Variants in EPHA5 observed in about 807,000 individuals in gnomAD.
EPHA5 encodes ephrin type-A receptor 5.
A neutral mutation model predicts 105.0 loss-of-function variants in EPHA5; 60 were observed. That is an observed-to-expected ratio of 0.57 (90% CI 0.46 to 0.71). The LOEUF (loss-of-function observed/expected upper bound fraction) is 0.71. Among genes scored for constraint, EPHA5 ranks in the 30% least tolerant of loss-of-function variants. The probability of loss-of-function intolerance (pLI) is 0.00; values close to 1 mark genes in which losing one functional copy is unlikely to be tolerated. For missense variants in EPHA5, 1,218 were observed against 1,274.7 expected, an observed-to-expected ratio of 0.96 and a Z score of 0.68; for synonymous variants, 513 against 449.1, an observed-to-expected ratio of 1.14 and a Z score of -1.80.
At chr4:65,660,881 C>A (rs986898242) in intron 1 of EPHA5, among the ~76,000 whole-genome samples, 1 of 152,042 alleles carries the variant, frequency 6.6e-6, no homozygotes, top group Non-Finnish European at 1.5e-5. Flanking sequence ...TTTTTCTACT[C>A]CGTTTCTTAA....
chr4:65,370,156 A>G (rs1718316809), intron 8 of EPHA5, among the ~76,000 whole-genome samples: 1 of 152,150 alleles, frequency 6.6e-6, no homozygotes, highest in South Asian at 2.1e-4. Context: ...ACTTAGATAC[A>G]TATGTCATTC....
At chr4:65,557,844 T>G (rs1738610313) in intron 3 of EPHA5, among the ~76,000 whole-genome samples, 1 of 151,986 alleles carries the variant, frequency 6.6e-6, no homozygotes. Flanking sequence ...CATTAATGAT[T>G]GGTCACTGAA....
At chr4:65,367,296 C>T in intron 9 of EPHA5, 61 bp downstream of exon 9, 3 of 1,386,820 alleles carry the variant, frequency 2.2e-6, no homozygotes, top group Non-Finnish European at 3.0e-6. Flanking sequence ...TGAAAAGAAA[C>T]TTAAATAACA....
intron 1 of EPHA5, among the ~76,000 whole-genome samples, chr4:65,648,439 C>G (rs933795075): frequency 6.6e-6 from 1 of 152,154 alleles, no homozygotes; most frequent in Non-Finnish European, 1.5e-5. Flanking sequence ...TGTGATCCCA[C>G]CATATACCAT....
At chr4:65,574,660 A>G (rs1446726960) in intron 3 of EPHA5, among the ~76,000 whole-genome samples, 3 of 48,568 alleles carry the variant, frequency 6.2e-5, no homozygotes, top group Non-Finnish European at 4.1e-5. Context: ...ATACACATAT[A>G]TATATACACA....
At chr4:65,404,276 C>T (rs1212525237) in intron 8 of EPHA5, 98 bp downstream of exon 8, 3 of 845,838 alleles carry the variant, frequency 3.5e-6, no homozygotes, top group Non-Finnish European at 3.9e-6. Flanking sequence ...ATATTGCTTG[C>T]CTGATTTGTT....
chr4:65,468,567 TATATATATATATGTAAA>T (rs2149153251), intron 5 of EPHA5, among the ~76,000 whole-genome samples: 1 of 19,728 alleles, frequency 5.1e-5, no homozygotes, highest in Admixed American at 5.5e-4. Context: ...TATTATATAT[TATATATATATATGTAAA>T]ATATATATAA....
chr4:65,399,005 G>A (rs1157549265), intron 8 of EPHA5, among the ~76,000 whole-genome samples: 7 of 152,132 alleles, frequency 4.6e-5, no homozygotes, highest in South Asian at 2.1e-4. Context: ...GCTAAAACAC[G>A]CCTCTCAACT....
At chr4:65,480,902 G>A (rs533090585) in intron 5 of EPHA5, among the ~76,000 whole-genome samples, 2 of 151,952 alleles carry the variant, frequency 1.3e-5, no homozygotes, top group Admixed American at 6.6e-5. Flanking sequence ...CCCAGGAGAG[G>A]AGTGTTGTAG....
chr4:65,363,773 G>C (rs189513014), intron 11 of EPHA5, among the ~76,000 whole-genome samples: 1 of 151,232 alleles, frequency 6.6e-6, no homozygotes, highest in Non-Finnish European at 1.5e-5. Flanking sequence ...GGTATCTATC[G>C]ACACTTGCTA....
chr4:65,572,067 G>C (rs570290797), intron 3 of EPHA5, among the ~76,000 whole-genome samples: 387 of 151,846 alleles, frequency 2.5e-3, no homozygotes, highest in African/African-American at 9.0e-3. Context: ...AATATGAAGG[G>C]GTTAAGATAT....
intron 5 of EPHA5, among the ~76,000 whole-genome samples, chr4:65,444,268 C>T (rs1171136041): frequency 9.9e-5 from 15 of 152,108 alleles, no homozygotes; most frequent in African/African-American, 3.4e-4. Context: ...AAGATAATAT[C>T]TATCCTTAAG....
At chr4:65,434,047 T>TC (rs1469788232) in intron 5 of EPHA5, among the ~76,000 whole-genome samples, 1 of 151,300 alleles carries the variant, frequency 6.6e-6, no homozygotes, top group Non-Finnish European at 1.5e-5. Flanking sequence ...AAGGTGAGAC[T>TC]CCATCTCAAA....
chr4:65,398,937 CATGAG>C (rs1291500001), intron 8 of EPHA5, among the ~76,000 whole-genome samples: 1 of 152,156 alleles, frequency 6.6e-6, no homozygotes, highest in African/African-American at 2.4e-5. Context: ...TCTTCCTGAG[CATGAG>C]ATAAGAACTT....
At chr4:65,388,734 G>T (rs879787012) in intron 8 of EPHA5, among the ~76,000 whole-genome samples, 1 of 148,218 alleles carries the variant, frequency 6.7e-6, no homozygotes, top group African/African-American at 2.5e-5. Context: ...AGATGAGTAG[G>T]TTGCGAAAAT....
intron 2 of EPHA5, among the ~76,000 whole-genome samples, chr4:65,613,745 T>C (rs1399847820): frequency 1.3e-5 from 2 of 152,046 alleles, no homozygotes; most frequent in East Asian, 1.9e-4. Context: ...TACTTTTGAA[T>C]AAATGTATAC....
intron 3 of EPHA5, among the ~76,000 whole-genome samples, chr4:65,561,466 G>T (rs1739012071): frequency 6.6e-6 from 1 of 152,088 alleles, no homozygotes; most frequent in Non-Finnish European, 1.5e-5. Context: ...GCAGGGAGTA[G>T]ACTGAGTGCA....
intron 3 of EPHA5, among the ~76,000 whole-genome samples, chr4:65,572,654 A>G (rs768275999): frequency 6.6e-6 from 1 of 152,226 alleles, no homozygotes; most frequent in Admixed American, 6.5e-5. Context: ...TGTACGGAAT[A>G]TGACAAGTAT....
intron 3 of EPHA5, among the ~76,000 whole-genome samples, chr4:65,570,876 A>G (rs991968439): frequency 3.1e-4 from 47 of 152,162 alleles, no homozygotes; most frequent in African/African-American, 1.1e-3. Flanking sequence ...AGTTTAAGGT[A>G]TATTTGGAAG....
Sources: gnomAD v4.1 joint callset for allele counts (sites outside exome capture counted in the v4.1 genomes callset) on GRCh38, gnomAD v4.1.1 for gene constraint, MANE v1.5 for transcripts, NCBI Gene and HGNC (gene_info 2026-07-23, HGNC 2026-07-21) for gene names.